Variants in PPP3CC observed in about 807,000 individuals in gnomAD.
The protein encoded by PPP3CC is protein phosphatase 3 catalytic subunit gamma.
PPP3CC carries 35 observed loss-of-function variants against 60.3 expected under a neutral mutation model. The observed-to-expected ratio is 0.58, with a 90% CI of 0.44 to 0.77. PPP3CC has a LOEUF of 0.77. Ranked by LOEUF, PPP3CC falls within the 30% of genes least tolerant of loss-of-function variation. PPP3CC has a pLI of 0.00. For synonymous variants in PPP3CC, 206 were observed against 224.3 expected (o/e 0.92, Z 0.73); for missense variants, 570 against 628.9 (o/e 0.91, Z 1.00).
At chr8:22,488,130 A>G (rs1475766543) in intron 3 of PPP3CC, among the ~76,000 whole-genome samples, 1 of 152,260 alleles carries the variant, frequency 6.6e-6, no homozygotes, top group Non-Finnish European at 1.5e-5. Context: ...GTATACCCAG[A>G]TAAATCAAAA....
intron 1 of PPP3CC, among the ~76,000 whole-genome samples, chr8:22,469,973 T>G (rs1837666872): frequency 6.6e-6 from 1 of 151,356 alleles, no homozygotes; most frequent in Non-Finnish European, 1.5e-5. Flanking sequence ...CATATATATA[T>G]ATATATATGT....
intron 12 of PPP3CC, among the ~76,000 whole-genome samples, chr8:22,534,729 C>T (rs987645452): frequency 3.9e-5 from 6 of 151,982 alleles, no homozygotes; most frequent in African/African-American, 7.3e-5. Flanking sequence ...AATTGTATTC[C>T]GAAATATAAA....
chr8:22,502,791 T>C (rs577157445), intron 4 of PPP3CC, among the ~76,000 whole-genome samples: 1 of 152,364 alleles, frequency 6.6e-6, no homozygotes, highest in East Asian at 1.9e-4. Flanking sequence ...GGTCATCTCC[T>C]TTGTAAATTA....
At chr8:22,520,479 GTA>G (rs1839376938) in intron 6 of PPP3CC, among the ~76,000 whole-genome samples, 1 of 152,038 alleles carries the variant, frequency 6.6e-6, no homozygotes, top group Non-Finnish European at 1.5e-5. Flanking sequence ...CATAAGTCCT[GTA>G]TACTTTCCAC....
At chr8:22,527,015 T>C (rs1839577632) in intron 8 of PPP3CC, among the ~76,000 whole-genome samples, 1 of 152,222 alleles carries the variant, frequency 6.6e-6, no homozygotes, top group Non-Finnish European at 1.5e-5. Flanking sequence ...GTCCATTTAA[T>C]GAGTAATTTT....
At chr8:22,535,042 G>A (rs1839813664) in intron 12 of PPP3CC, among the ~76,000 whole-genome samples, 1 of 152,158 alleles carries the variant, frequency 6.6e-6, no homozygotes, top group Non-Finnish European at 1.5e-5. Flanking sequence ...TTAGACATGC[G>A]TATACTTATG....
chr8:22,450,024 A>G (rs1045207840), intron 1 of PPP3CC, among the ~76,000 whole-genome samples: 1 of 151,078 alleles, frequency 6.6e-6, no homozygotes, highest in Non-Finnish European at 1.5e-5. Flanking sequence ...GCGCCACCAC[A>G]CCCAGCTAAT....
chr8:22,441,382 C>T lies in PPP3CC; in HGVS notation c.-28C>T. 6.5e-7 allele frequency: 1 copy of T among 1,526,852 alleles called. No individual in the cohort carries two copies. Among genetic ancestry groups the T allele is most frequent in the Non-Finnish European group, 8.8e-7 (1 of 1,138,334 alleles). The allele number at this position is 1,526,852 out of a possible 1,614,324, so 94.6% of individuals were successfully genotyped here. A position where few individuals can be genotyped will look rare whatever the true frequency, so the allele number is the denominator to read the frequency against. On this transcript the variant is annotated 5_prime_UTR_variant, in exon 1 of 14. Transcript: ENST00000240139. ...GCGTAGGCGCACGTCCGGCGGGCTC[C>T]TGGAGCCTGGAGGAGGCCGAGGGGA...
chr8:22,477,379 A>G (rs1837922032), intron 3 of PPP3CC, among the ~76,000 whole-genome samples: 1 of 151,976 alleles, frequency 6.6e-6, no homozygotes, highest in Admixed American at 6.6e-5. Context: ...TGAGAGGCTG[A>G]GGCAGGATAA....
chr8:22,443,342 C>T (rs1333515216), intron 1 of PPP3CC, among the ~76,000 whole-genome samples: 3 of 151,766 alleles, frequency 2.0e-5, no homozygotes, highest in East Asian at 1.9e-4. Flanking sequence ...GCCAACATGG[C>T]GAAACTCCAT....
At chr8:22,458,284 C>A (rs142618243) in intron 1 of PPP3CC, among the ~76,000 whole-genome samples, 75 of 152,094 alleles carry the variant, frequency 4.9e-4, no homozygotes, top group African/African-American at 1.8e-3. Flanking sequence ...CTCTTTGATA[C>A]AAATTTTAGA....
intron 4 of PPP3CC, chr8:22,510,779 A>C: frequency 3.8e-6 from 1 of 266,386 alleles, no homozygotes; most frequent in South Asian, 7.0e-5. Flanking sequence ...ATAGCTTCCC[A>C]CCAGGTAACT....
intron 3 of PPP3CC, chr8:22,492,974 T>C: frequency 7.9e-7 from 1 of 1,270,864 alleles, no homozygotes; most frequent in Non-Finnish European, 1.1e-6. Context: ...TGGCTGAAGC[T>C]CTGCCCAAAC....
intron 1 of PPP3CC, among the ~76,000 whole-genome samples, chr8:22,453,991 G>A (rs183745592): frequency 2.0e-5 from 3 of 152,246 alleles, no homozygotes; most frequent in East Asian, 3.9e-4. Flanking sequence ...GAACACCGCA[G>A]GCTTTACAAA....
intron 1 of PPP3CC, among the ~76,000 whole-genome samples, chr8:22,459,261 T>A (rs1586793717): frequency 6.6e-6 from 1 of 152,326 alleles, no homozygotes; most frequent in South Asian, 2.1e-4. Context: ...TGTTATTTTT[T>A]AAATCTCTAT....
intron 6 of PPP3CC, among the ~76,000 whole-genome samples, chr8:22,518,063 T>G (rs1447996477): frequency 1.3e-5 from 2 of 151,782 alleles, no homozygotes; most frequent in Non-Finnish European, 2.9e-5. Flanking sequence ...TCATTTATCT[T>G]GAGGTTTTTT....
At chr8:22,539,357 G>A in intron 12 of PPP3CC, 112 bp from the exon 13 acceptor site, 1 of 1,043,640 alleles carries the variant, frequency 9.6e-7, no homozygotes, top group Non-Finnish European at 1.4e-6. Flanking sequence ...TATGGATGGG[G>A]ATAGGCTAAA....
At chr8:22,452,898 T>C (rs928784203) in intron 1 of PPP3CC, among the ~76,000 whole-genome samples, 10 of 152,252 alleles carry the variant, frequency 6.6e-5, no homozygotes, top group Non-Finnish European at 1.5e-4. Flanking sequence ...TTTAAATATT[T>C]TCTTGTCCTT....
chr8:22,526,658 T>C (rs562679873), intron 8 of PPP3CC, among the ~76,000 whole-genome samples: 44 of 152,178 alleles, frequency 2.9e-4, no homozygotes, highest in Non-Finnish European at 5.4e-4. Context: ...ATTAAGAGAA[T>C]AGTGCAAACA....
Sources: gnomAD v4.1 joint callset for allele counts (sites outside exome capture counted in the v4.1 genomes callset) on GRCh38, gnomAD v4.1.1 for gene constraint, MANE v1.5 for transcripts, NCBI Gene and HGNC (gene_info 2026-07-23, HGNC 2026-07-21) for gene names.